SH3RF3: variants seen among roughly 807,000 people sequenced by gnomAD.
The protein encoded by SH3RF3 is SH3 domain containing ring finger 3.
Under a neutral mutation model 66.3 loss-of-function variants are expected in SH3RF3, and 29 were observed. The observed-to-expected ratio is 0.44, with a 90% CI of 0.33 to 0.60. The LOEUF (loss-of-function observed/expected upper bound fraction) is 0.60. SH3RF3 is among the 20% of genes least tolerant of loss of function. SH3RF3 has a pLI of 0.04. For missense variants in SH3RF3, 1,194 were observed against 1,190.9 expected (o/e 1.00, Z -0.04); for synonymous variants, 583 against 532.0 (o/e 1.10, Z -1.32).
chr2:109,130,170 C>A, intron 1 of SH3RF3, 57 bp downstream of exon 1: 1 of 1,251,104 alleles, frequency 8.0e-7, no homozygotes, highest in South Asian at 3.1e-5. Context: ...TGGGTGGGTG[C>A]TTGGGCGTGG....
chr2:109,349,845 G>C (rs1263791788), intron 2 of SH3RF3, among the ~76,000 whole-genome samples: 3 of 152,274 alleles, frequency 2.0e-5, no homozygotes, highest in African/African-American at 7.2e-5. Flanking sequence ...CCTCTGCCCA[G>C]GATGTGCAAC....
intron 1 of SH3RF3, among the ~76,000 whole-genome samples, chr2:109,204,701 C>T (rs986698860): frequency 1.3e-5 from 2 of 152,192 alleles, no homozygotes; most frequent in Admixed American, 6.5e-5. Flanking sequence ...TTCTAGCAGT[C>T]TCTTACTTTG....
chr2:109,432,920 G>T (rs376874288), intron 6 of SH3RF3, among the ~76,000 whole-genome samples: 1 of 152,268 alleles, frequency 6.6e-6, no homozygotes, highest in East Asian at 1.9e-4. Flanking sequence ...GGATCAGGAG[G>T]AGCAGGGACA....
chr2:109,415,315 GCCT>G (rs1676693334), intron 4 of SH3RF3, among the ~76,000 whole-genome samples: 3 of 152,186 alleles, frequency 2.0e-5, no homozygotes, highest in Non-Finnish European at 4.4e-5. Context: ...TAAGCACGTG[GCCT>G]GAGTTCAAAA....
At chr2:109,376,370 CG>C (rs1237320043) in intron 3 of SH3RF3, among the ~76,000 whole-genome samples, 1 of 152,140 alleles carries the variant, frequency 6.6e-6, no homozygotes, top group Admixed American at 6.5e-5. Flanking sequence ...GGAATCAGCT[CG>C]GGTTGGAGAG....
At chr2:109,377,609 T>G (rs4074383) in intron 3 of SH3RF3, among the ~76,000 whole-genome samples, 5,184 of 152,240 alleles carry the variant, frequency 0.034, 275 homozygotes, top group African/African-American at 0.11. Context: ...GAAAAAATAA[T>G]GGCAGCCAAC....
chr2:109,249,574 TCC>T (rs879714942), intron 1 of SH3RF3, among the ~76,000 whole-genome samples: 5,163 of 135,398 alleles, frequency 0.038, 257 homozygotes, highest in Middle Eastern at 0.05. Flanking sequence ...CTTCCTTCCT[TCC>T]TTCCTTCCTT....
intron 1 of SH3RF3, among the ~76,000 whole-genome samples, chr2:109,319,586 C>G (rs1415088629): frequency 6.6e-6 from 1 of 152,234 alleles, no homozygotes; most frequent in Admixed American, 6.5e-5. Context: ...GGGCTCGTTC[C>G]AGAACAGAAA....
chr2:109,459,379 A>G (rs951831997), intron 8 of SH3RF3, among the ~76,000 whole-genome samples: 1 of 152,144 alleles, frequency 6.6e-6, no homozygotes, highest in Non-Finnish European at 1.5e-5. Context: ...CCTTCCCTTC[A>G]GAAAGCGCCT....
rs1675925589 is a variant in SH3RF3, at chr2:109,389,590, T to C, written c.946-9000T>C. 2.0e-5 allele frequency among the ~76,000 whole-genome samples: 3 copies of C among 152,304 alleles called. No homozygotes were observed. The South Asian group carries it at 6.2e-4, about 32-fold the overall frequency. On this transcript the variant is annotated intron_variant, in intron 3 of 9. Coordinates refer to ENST00000309415, the MANE Select transcript of SH3RF3 (RefSeq NM_001099289.3). Reference sequence around the variant, plus strand: ...TGCTCTAAGCCAGAGATCTCCAAGGTAGGGTGCATGCCACTCTGTGCAAAG... The same window carrying C: ...TGCTCTAAGCCAGAGATCTCCAAGGCAGGGTGCATGCCACTCTGTGCAAAG...
At chr2:109,488,778 G>A (rs1450144398) in intron 8 of SH3RF3, among the ~76,000 whole-genome samples, 1 of 152,212 alleles carries the variant, frequency 6.6e-6, no homozygotes, top group Non-Finnish European at 1.5e-5. Context: ...CTAACTGATT[G>A]CTCTAGGCTG....
At chr2:109,330,271 T>TGAAA (rs1435122254) in intron 1 of SH3RF3, among the ~76,000 whole-genome samples, 1 of 152,180 alleles carries the variant, frequency 6.6e-6, no homozygotes, top group Non-Finnish European at 1.5e-5. Context: ...TTCCTCAATT[T>TGAAA]TGGTGTGCAT....
At chr2:109,172,762 A>G (rs902284311) in intron 1 of SH3RF3, among the ~76,000 whole-genome samples, 39 of 152,236 alleles carry the variant, frequency 2.6e-4, no homozygotes, top group African/African-American at 9.2e-4. Flanking sequence ...TGTCCTAGCT[A>G]AGAAACCAAA....
At chr2:109,495,437 G>C (rs1262294737) in intron 9 of SH3RF3, among the ~76,000 whole-genome samples, 1 of 150,018 alleles carries the variant, frequency 6.7e-6, no homozygotes, top group Non-Finnish European at 1.5e-5. Flanking sequence ...AGACACTCTG[G>C]GCCACCTACC....
chr2:109,439,126 A>G (rs1677493129), intron 7 of SH3RF3, among the ~76,000 whole-genome samples: 1 of 152,186 alleles, frequency 6.6e-6, no homozygotes. Context: ...CTGTGGAATA[A>G]CAAGCAGGAT....
intron 1 of SH3RF3, among the ~76,000 whole-genome samples, chr2:109,194,910 G>A (rs1285645504): frequency 1.3e-5 from 2 of 151,940 alleles, no homozygotes; most frequent in Non-Finnish European, 2.9e-5. Flanking sequence ...AAAGAAAAAA[G>A]AAAAAGAAAA....
intron 7 of SH3RF3, among the ~76,000 whole-genome samples, chr2:109,445,276 G>A (rs1202528517): frequency 1.3e-5 from 2 of 152,188 alleles, no homozygotes; most frequent in Non-Finnish European, 2.9e-5. Context: ...CAAAGGAGTA[G>A]TCCCTGAGAA....
intron 8 of SH3RF3, among the ~76,000 whole-genome samples, chr2:109,450,367 AAGAAAATCTGAG>A (rs1677834133): frequency 6.6e-6 from 1 of 151,816 alleles, no homozygotes; most frequent in African/African-American, 2.4e-5. Context: ...AAGAAAAAGA[AAGAAAATCTGAG>A]TCCAAGAAAC....
chr2:109,234,891 C>T (rs1276250533), intron 1 of SH3RF3, among the ~76,000 whole-genome samples: 2 of 152,200 alleles, frequency 1.3e-5, no homozygotes, highest in African/African-American at 4.8e-5. Context: ...GGATTCAGGG[C>T]AAACTAGTTT....
Sources: gnomAD v4.1 joint callset for allele counts (sites outside exome capture counted in the v4.1 genomes callset) on GRCh38, gnomAD v4.1.1 for gene constraint, MANE v1.5 for transcripts, NCBI Gene and HGNC (gene_info 2026-07-23, HGNC 2026-07-21) for gene names.